The following DMD variants were observed in gnomAD, a reference collection of about 807,000 sequenced individuals.
DMD encodes mutant dystrophin.
DMD carries 63 observed loss-of-function variants against 330.1 expected under a neutral mutation model. The ratio of observed to expected loss-of-function variants is 0.19; its 90% confidence interval spans 0.16 to 0.24. The LOEUF (loss-of-function observed/expected upper bound fraction) is 0.24, where lower values mean the gene tolerates loss of function less well. Among genes scored for constraint, DMD ranks in the 10% least tolerant of loss-of-function variants. DMD has a pLI of 1.00. For missense variants in DMD, 3,344 were observed against 2,684.1 expected (o/e 1.25, Z -5.43); for synonymous variants, 1,223 against 959.8 (o/e 1.27, Z -5.07).
intron 60 of DMD, among the ~76,000 whole-genome samples, chrX:31,421,250 T>G (rs752436552): frequency 8.9e-6 from 1 of 112,321 alleles, no homozygotes; most frequent in Non-Finnish European, 1.9e-5. Context: ...GATGTTTACT[T>G]TCTTTTCCAA....
intron 41 of DMD, among the ~76,000 whole-genome samples, chrX:32,324,495 A>C (rs1457816764): frequency 9.0e-6 from 1 of 111,674 alleles, no homozygotes; most frequent in African/African-American, 3.2e-5. Context: ...AGTGAAAGTC[A>C]AAATAATAGC....
At chrX:33,314,570 GT>G (rs1170142842) in intron 1 of DMD, among the ~76,000 whole-genome samples, 1,165 of 78,985 alleles carry the variant, frequency 0.015, 13 homozygotes, top group African/African-American at 0.053. Flanking sequence ...TTTTTTTTTT[GT>G]TTTTTTTTTT....
intron 67 of DMD, among the ~76,000 whole-genome samples, chrX:31,192,036 A>T (rs1281702546): frequency 1.8e-5 from 2 of 112,466 alleles, no homozygotes; most frequent in Non-Finnish European, 3.7e-5. Flanking sequence ...ACAGTATAGG[A>T]CAGGCAGTCC....
intron 9 of DMD, among the ~76,000 whole-genome samples, chrX:32,669,454 CAGAT>C (rs1381494245): frequency 2.7e-5 from 3 of 111,943 alleles, no homozygotes; most frequent in African/African-American, 9.7e-5. Flanking sequence ...TAGTTCCCTA[CAGAT>C]AGATAGATCG....
chrX:31,178,153 T>C (rs2040741594), intron 70 of DMD, 183 bp from the exon 71 acceptor site: 1 of 751,141 alleles, frequency 1.3e-6, no homozygotes, highest in Non-Finnish European at 1.6e-6. Flanking sequence ...GCCATCAGAG[T>C]TAAGGCAAAA....
chrX:32,026,117 T>C (rs982055702), intron 44 of DMD, among the ~76,000 whole-genome samples: 12 of 111,947 alleles, frequency 1.1e-4, no homozygotes, highest in Non-Finnish European at 7.5e-5. Flanking sequence ...AATGCATGTC[T>C]GGTTAAATAC....
intron 55 of DMD, among the ~76,000 whole-genome samples, chrX:31,524,078 G>A (rs2073065981): frequency 8.9e-6 from 1 of 111,973 alleles, no homozygotes; most frequent in South Asian, 3.7e-4. Context: ...GGGCAATACT[G>A]TATTATTCAT....
chrX:32,266,938 T>G (rs1822225759), intron 43 of DMD, among the ~76,000 whole-genome samples: 1 of 112,005 alleles, frequency 8.9e-6, no homozygotes, highest in South Asian at 3.7e-4. Context: ...ATCTATTTCC[T>G]GCTACATACA....
intron 1 of DMD, among the ~76,000 whole-genome samples, chrX:33,029,544 T>C (rs1401490922): frequency 2.7e-5 from 3 of 111,737 alleles, no homozygotes; most frequent in Non-Finnish European, 3.8e-5. Flanking sequence ...AGAAACCAGA[T>C]TGGAAAGCCA....
chrX:31,405,722 T>G (rs1307482274), intron 60 of DMD, among the ~76,000 whole-genome samples: 1 of 111,659 alleles, frequency 9.0e-6, no homozygotes, highest in Non-Finnish European at 1.9e-5. Flanking sequence ...CAATTTCCAC[T>G]TATGGATGTA....
At chrX:32,894,730 C>G (rs917125587) in intron 2 of DMD, among the ~76,000 whole-genome samples, 1 of 112,257 alleles carries the variant, frequency 8.9e-6, no homozygotes, top group African/African-American at 3.2e-5. Context: ...CAGGGTCATT[C>G]TAAGGGTATG....
chrX:32,202,509 G>A (rs778949938), intron 44 of DMD, among the ~76,000 whole-genome samples: 37 of 111,187 alleles, frequency 3.3e-4, no homozygotes, highest in African/African-American at 1.1e-3. Flanking sequence ...GCACCACCAC[G>A]CCTGGCTAAT....
At chrX:32,594,203 T>C (rs904356728) in intron 13 of DMD, among the ~76,000 whole-genome samples, 6 of 112,053 alleles carry the variant, frequency 5.4e-5, no homozygotes, top group African/African-American at 1.3e-4. Flanking sequence ...GGGTGTTAAG[T>C]ATGCATCTCT....
At chrX:31,812,416 G>A (rs2092485277) in intron 50 of DMD, among the ~76,000 whole-genome samples, 1 of 71,918 alleles carries the variant, frequency 1.4e-5, no homozygotes, top group African/African-American at 5.4e-5. Context: ...GGGGCCTGCT[G>A]TGGGGTGGGG....
At chrX:31,387,814 T>C (rs2060515504) in intron 60 of DMD, among the ~76,000 whole-genome samples, 2 of 111,201 alleles carry the variant, frequency 1.8e-5, no homozygotes, top group Admixed American at 1.9e-4. Context: ...CCCACTTCTT[T>C]CAGGTCTTTC....
At chrX:31,897,261 T>G (rs1037534415) in intron 47 of DMD, among the ~76,000 whole-genome samples, 4 of 112,098 alleles carry the variant, frequency 3.6e-5, no homozygotes, top group African/African-American at 6.5e-5. Context: ...CTCATCCTTT[T>G]TTATGGCTGC....
At chrX:32,553,705 A>G (rs762220262) in intron 16 of DMD, among the ~76,000 whole-genome samples, 1 of 111,767 alleles carries the variant, frequency 8.9e-6, no homozygotes, top group African/African-American at 3.3e-5. Context: ...TTTTAAATTC[A>G]TTTTGTTTAT....
intron 59 of DMD, among the ~76,000 whole-genome samples, chrX:31,448,399 G>C (rs923069119): frequency 5.4e-5 from 6 of 112,134 alleles, no homozygotes; most frequent in African/African-American, 1.9e-4. Flanking sequence ...GTGCCCAGCA[G>C]CATACATAAC....
chrX:31,854,078 T>C (rs1343535150), intron 48 of DMD, among the ~76,000 whole-genome samples: 1 of 112,248 alleles, frequency 8.9e-6, no homozygotes, highest in Non-Finnish European at 1.9e-5. Flanking sequence ...GCTACCTTCC[T>C]GCTAAGCTAT....
Sources: gnomAD v4.1 joint callset for allele counts (sites outside exome capture counted in the v4.1 genomes callset) on GRCh38, gnomAD v4.1.1 for gene constraint, MANE v1.5 for transcripts, NCBI Gene and HGNC (gene_info 2026-07-23, HGNC 2026-07-21) for gene names.